Variants in NCL observed in about 807,000 individuals in gnomAD.
NCL encodes the protein nucleolin multifunctional protein.
Under a neutral mutation model 77.7 loss-of-function variants are expected in NCL, and 4 were observed. That is an observed-to-expected ratio of 0.05 (90% CI 0.03 to 0.12). The LOEUF is 0.12. Among genes scored for constraint, NCL ranks in the 10% least tolerant of loss-of-function variants. The pLI is 1.00. For synonymous variants in NCL, 344 were observed against 297.8 expected (o/e 1.16, Z -1.60); for missense variants, 763 against 860.9 (o/e 0.89, Z 1.42).
At chr2:231,459,312 A>G (rs1296503636) in intron 6 of NCL, among the ~76,000 whole-genome samples, 187 bp from the exon 7 acceptor site, 1 of 152,216 alleles carries the variant, frequency 6.6e-6, no homozygotes, top group Non-Finnish European at 1.5e-5. Context: ...GCATGAAGAT[A>G]TGACATGCAC....
chr2:231,460,399 A>AG (rs1244866823), intron 5 of NCL, 79 bp downstream of exon 5: 1 of 1,590,272 alleles, frequency 6.3e-7, no homozygotes, highest in Non-Finnish European at 8.6e-7. Context: ...ATGTAACATC[A>AG]GGTTTCAGTA....
Position 231,455,029 on chromosome 2 carries a change from C to T in NCL, c.*162G>A, listed in dbSNP as rs552305269. The stretch of plus-strand genomic sequence containing the variant: ...TATGAATATCCAGTCAAAACCAACA[C>T]GGTATTGCCCTTGAAATGTTAACTA... On this transcript the variant is annotated 3_prime_UTR_variant, in exon 14 of 14. Transcript: ENST00000322723. 26 of 710,306 alleles carry T rather than the reference C, an allele frequency of 3.7e-5. No individual in the cohort carries two copies. Among genetic ancestry groups the T allele is most frequent in the Admixed American group, 2.9e-4 (11 of 38,576 alleles). 44.0% of individuals were successfully genotyped at this position (710,306 alleles called of 1,614,324 possible). A position where few individuals can be genotyped will look rare whatever the true frequency, so the allele number is the denominator to read the frequency against.
intron 11 of NCL, 54 bp downstream of exon 11, chr2:231,456,574 AAAC>A (rs1370369816): frequency 9.9e-6 from 16 of 1,608,504 alleles, no homozygotes; most frequent in African/African-American, 6.7e-5. Context: ...TGCAAAAAAT[AAAC>A]AAAGCACCGA....
At chr2:231,457,455 T>C (rs929777914) in intron 9 of NCL, 188 bp downstream of exon 9, 2 of 770,592 alleles carry the variant, frequency 2.6e-6, no homozygotes, top group African/African-American at 3.6e-5. Flanking sequence ...AAAATGATTT[T>C]AGAGCTCTCA....
chr2:231,464,296 G>T, intron 1 of NCL, 40 bp downstream of exon 1: 1 of 1,566,012 alleles, frequency 6.4e-7, no homozygotes, highest in Non-Finnish European at 8.7e-7. Flanking sequence ...CCCTCGGAAA[G>T]CAGGCCTACA....
intron 8 of NCL, 54 bp from the exon 9 acceptor site, chr2:231,457,854 CT>C: frequency 6.8e-7 from 1 of 1,475,010 alleles, no homozygotes; most frequent in Admixed American, 2.0e-5. Context: ...AACACAAATG[CT>C]TTTACCTCAG....
At position 231,456,208 on chromosome 2, in the gene NCL, T is replaced by C. The variant is rs2046886316; in HGVS notation, c.1706-72A>G. 13 of 1,576,390 alleles carry C rather than the reference T, an allele frequency of 8.2e-6. No homozygotes were observed. In the Middle Eastern group the frequency reaches 6.0e-4, roughly 73 times the overall value. ...AACACTGAATTTGCACAATGCCTAG[T>C]ATGACTACTAGCCAAGAATACTTGT... On this transcript the variant is annotated intron_variant, in intron 11 of 13. Coordinates refer to ENST00000322723, the MANE Select transcript of NCL (RefSeq NM_005381.3).
chr2:231,456,592 G>GCTA lies in NCL; in HGVS notation c.1705+36_1705+38dup, dbSNP rs761914587. On this transcript the variant is annotated intron_variant, in intron 11 of 13. Transcript: ENST00000322723. Reference sequence around the variant, plus strand: ...AAAAAATAAACAAAGCACCGAGAGTGCTACCCCCAACCACAGCACCCTAAC... The same window carrying GCTA: ...AAAAAATAAACAAAGCACCGAGAGTGCTACTACCCCCAACCACAGCACCCTAAC... 14 of 1,612,770 alleles carry GCTA rather than the reference G, an allele frequency of 8.7e-6. No homozygotes were observed. The Middle Eastern group carries it at 4.9e-4, about 57-fold the overall frequency.
chr2:231,463,551 A>T (rs1214841566), intron 1 of NCL: 2 of 503,634 alleles, frequency 4.0e-6, no homozygotes, highest in Non-Finnish European at 7.0e-6. Context: ...TAAGGTAAAA[A>T]GTCAACCTGA....
chr2:231,460,635 A>G, intron 4 of NCL, 34 bp downstream of exon 4: 1 of 1,613,828 alleles, frequency 6.2e-7, no homozygotes. Context: ...TTTAAACATA[A>G]CTCATGTCGT....
At position 231,455,227 on chromosome 2, in the gene NCL, G is replaced by A. The variant is rs1233163969; in HGVS notation, c.2097C>T (p.Asp699=). The A allele has an allele frequency of 1.2e-6, 2 of 1,614,074 alleles. No homozygotes were observed. Among genetic ancestry groups the A allele is most frequent in the African/African-American group, 2.7e-5 (2 of 74,914 alleles). ...TCGTCTTCTTTCCTTGTGGCTTGTGGTCACCTCCTCCTCCTCTGCCTCCTC... is the reference window on the plus strand; with the variant it reads ...TCGTCTTCTTTCCTTGTGGCTTGTGATCACCTCCTCCTCCTCTGCCTCCTC... ...GFRGGRGGGG[D]HKPQGKKTKF... Residue 699 remains aspartate (D), a synonymous_variant, in exon 14 of 14, where the codon GAC becomes GAT. Coordinates refer to ENST00000322723, the MANE Select transcript of NCL (RefSeq NM_005381.3).
intron 9 of NCL, chr2:231,457,440 A>G: frequency 1.3e-6 from 1 of 753,548 alleles, no homozygotes; most frequent in South Asian, 1.5e-5. Context: ...ACTGTATTCC[A>G]ATGCAAAATG....
chr2:231,461,285 T>TAA (rs751465235), intron 3 of NCL, among the ~76,000 whole-genome samples: 4 of 135,106 alleles, frequency 3.0e-5, no homozygotes, highest in East Asian at 4.4e-4. Context: ...TCAAAAAAAT[T>TAA]TAAAAAAAAA....
chr2:231,461,503 A>C (rs374072135), intron 3 of NCL, 37 bp downstream of exon 3: 2 of 1,598,090 alleles, frequency 1.3e-6, no homozygotes, highest in Non-Finnish European at 1.7e-6. Context: ...GATACCTTGT[A>C]ATCAGAAGCC....
chr2:231,456,430 C>CT (rs777362423), intron 11 of NCL: 5 of 1,082,556 alleles, frequency 4.6e-6, no homozygotes, highest in East Asian at 2.4e-5. Flanking sequence ...ACTTGCTACT[C>CT]TGAGTTGACA....
chr2:231,462,102 G>C (rs1346904664), intron 2 of NCL, 85 bp from the exon 3 acceptor site: 10 of 1,516,558 alleles, frequency 6.6e-6, no homozygotes, highest in Non-Finnish European at 8.2e-6. Context: ...GTTAGACTCT[G>C]GCAATGCCTC....
intron 7 of NCL, 116 bp from the exon 8 acceptor site, chr2:231,458,505 A>G: frequency 7.6e-7 from 1 of 1,308,232 alleles, no homozygotes. Context: ...TTGAGATCCT[A>G]TAATGTACAA....
chr2:231,458,306 C>A lies in NCL; in HGVS notation c.1249G>T (p.Ala417Ser), dbSNP rs745976925. Residue 417 changes from alanine (A) to serine (S), a missense_variant, in exon 8 of 14, where the codon GCG becomes TCG. By Grantham distance (99) the Ala-to-Ser change is moderately conservative. Coordinates refer to ENST00000322723, the MANE Select transcript of NCL (RefSeq NM_005381.3). ...DELKEVFEDA[A>S]EIRLVSKDGK... Reference sequence around the variant, plus strand: ...TCCTTGCTGACTAATCTGATCTCCGCAGCATCTTCAAACACTTCTTTCAAT... The same window carrying A: ...TCCTTGCTGACTAATCTGATCTCCGAAGCATCTTCAAACACTTCTTTCAAT... 1.2e-6 allele frequency: 2 copies of A among 1,614,118 alleles called. No homozygotes were observed. The highest frequency in any genetic ancestry group is 1.7e-6 in the Non-Finnish European group (2 of 1,179,990).
At chr2:231,458,536 G>T in intron 7 of NCL, 147 bp from the exon 8 acceptor site, 1 of 1,000,358 alleles carries the variant, frequency 1.0e-6, no homozygotes, top group Non-Finnish European at 1.4e-6. Context: ...TAAATATGGA[G>T]ATATAGCAGT....
Sources: gnomAD v4.1 joint callset for allele counts (sites outside exome capture counted in the v4.1 genomes callset) on GRCh38, gnomAD v4.1.1 for gene constraint, MANE v1.5 for transcripts, NCBI Gene and HGNC (gene_info 2026-07-23, HGNC 2026-07-21) for gene names.